Variants in ABCA4 observed in about 807,000 individuals in gnomAD.
ABCA4 encodes retinal-specific phospholipid-transporting ATPase ABCA4.
Under a neutral mutation model 263.7 loss-of-function variants are expected in ABCA4, and 196 were observed. The observed-to-expected ratio is 0.74, with a 90% CI of 0.66 to 0.84. The LOEUF (loss-of-function observed/expected upper bound fraction) is 0.84. Among genes scored for constraint, ABCA4 ranks in the 40% least tolerant of loss-of-function variants. ABCA4 has a pLI of 0.00. For synonymous variants in ABCA4, 1,133 were observed against 1,094.2 expected, an observed-to-expected ratio of 1.04 and a Z score of -0.70; for missense variants, 2,792 against 2,855.1, an observed-to-expected ratio of 0.98 and a Z score of 0.50.
chr1:94,001,715 T>C (rs147103408), intron 45 of ABCA4, 143 bp downstream of exon 45: 2 of 1,265,152 alleles, frequency 1.6e-6, no homozygotes, highest in Admixed American at 1.9e-5. Flanking sequence ...GGCTGATCGC[T>C]CAAAATGAGC....
intron 3 of ABCA4, among the ~76,000 whole-genome samples, chr1:94,110,022 G>A (rs1217898365): frequency 6.6e-6 from 1 of 152,044 alleles, no homozygotes; most frequent in Non-Finnish European, 1.5e-5. Context: ...AAAGCTCCAT[G>A]CAGCCTCCAC....
intron 16 of ABCA4, among the ~76,000 whole-genome samples, chr1:94,054,111 T>C (rs1338602388): frequency 6.6e-6 from 1 of 152,206 alleles, no homozygotes; most frequent in African/African-American, 2.4e-5. Context: ...GAAGGAAAAT[T>C]TGATTTTCTA....
chr1:94,044,863 C>A, intron 19 of ABCA4, 119 bp from the exon 20 acceptor site: 1 of 1,512,296 alleles, frequency 6.6e-7, no homozygotes, highest in Non-Finnish European at 9.1e-7. Flanking sequence ...GGCTGTCAGT[C>A]AAACTCAAAC....
chr1:94,072,693 T>G (rs972160485), intron 11 of ABCA4, among the ~76,000 whole-genome samples: 3 of 152,206 alleles, frequency 2.0e-5, no homozygotes, highest in African/African-American at 7.2e-5. Context: ...TCCTGTGTCC[T>G]TAGATTTGGA....
At chr1:94,042,055 C>A (rs565664092) in intron 22 of ABCA4, among the ~76,000 whole-genome samples, 4 of 138,018 alleles carry the variant, frequency 2.9e-5, no homozygotes, top group Admixed American at 2.4e-4. Context: ...GTGGAGATTG[C>A]GCCACTGCAC....
At chr1:94,017,457 A>G (rs775393747) in intron 36 of ABCA4, among the ~76,000 whole-genome samples, 25 of 152,256 alleles carry the variant, frequency 1.6e-4, no homozygotes, top group Non-Finnish European at 2.9e-4. Flanking sequence ...AAGTGTCAAG[A>G]CCATGAGTGT....
rs139755442 is a variant in ABCA4, at chr1:94,015,332, C to A, written c.5312+407G>T. On this transcript the variant is annotated intron_variant, in intron 37 of 49. Coordinates refer to ENST00000370225, the MANE Select transcript of ABCA4 (RefSeq NM_000350.3). ...CCTGACTCAGGAGGAGCTTTTTGGC[C>A]GGAGTCTTCTACTGTGGGCGGTAAC... is the stretch of plus-strand genomic sequence containing the variant. Among the ~76,000 whole-genome samples the A allele has an allele frequency of 4.1e-3, 629 of 152,248 alleles. 7 individuals are homozygous for A. The highest frequency in any genetic ancestry group is 0.014 in the African/African-American group (600 of 41,548).
At position 94,116,475 on chromosome 1, in the gene ABCA4, A is replaced by C. The variant is rs369235345; in HGVS notation, c.67-3409T>G. 6.8e-4 allele frequency among the ~76,000 whole-genome samples: 104 copies of C among 152,196 alleles called. 4 individuals carry two copies. In the South Asian group the frequency reaches 0.02, roughly 29 times the overall value. Reference sequence around the variant, plus strand: ...AGCCAAGGTTGAGAACCGCTGCTCTAGGTAATGGTTGGTTGGTAATCTTTG... The same window carrying C: ...AGCCAAGGTTGAGAACCGCTGCTCTCGGTAATGGTTGGTTGGTAATCTTTG... On this transcript the variant is annotated intron_variant, in intron 1 of 49. Transcript: ENST00000370225.
At chr1:94,103,251 G>T in intron 4 of ABCA4, 109 bp from the exon 5 acceptor site, 2 of 1,435,726 alleles carry the variant, frequency 1.4e-6, no homozygotes, top group South Asian at 1.1e-5. Context: ...TCAGAGGAAG[G>T]TTCTGTTCTT....
In ABCA4 at chr1:94,022,034, A is replaced by C. The variant is rs1659917245; in HGVS notation, c.4668-83T>G. The stretch of plus-strand genomic sequence containing the variant: ...GCTCTCTCGGGTTTTGTAGGGAAAC[A>C]TGAACTTTCGGGGGAATTGCCTGGA... On this transcript the variant is annotated intron_variant, in intron 32 of 49. Coordinates refer to ENST00000370225, the MANE Select transcript of ABCA4 (RefSeq NM_000350.3). The C allele has an allele frequency of 3.3e-6, 4 of 1,200,248 alleles. No individual in the cohort carries two copies. In the South Asian group the frequency reaches 5.0e-5, roughly 15 times the overall value. The allele number at this position is 1,200,248 out of a possible 1,614,324, so 74.3% of individuals were successfully genotyped here. A position where few individuals can be genotyped will look rare whatever the true frequency, so the allele number is the denominator to read the frequency against.
chr1:94,104,794 G>T (rs1178923427), intron 4 of ABCA4, among the ~76,000 whole-genome samples: 1 of 152,182 alleles, frequency 6.6e-6, no homozygotes, highest in African/African-American at 2.4e-5. Context: ...TTATATTCTA[G>T]TCTTCCCTCT....
intron 36 of ABCA4, 194 bp downstream of exon 36, chr1:94,019,388 C>T (rs1403438068): frequency 3.1e-6 from 2 of 639,220 alleles, no homozygotes; most frequent in South Asian, 2.0e-5. Context: ...CCTTTCCTAG[C>T]TTCGGGCTCC....
At chr1:94,064,590 T>C (rs1467621904) in intron 11 of ABCA4, among the ~76,000 whole-genome samples, 3 of 152,174 alleles carry the variant, frequency 2.0e-5, no homozygotes, top group Non-Finnish European at 4.4e-5. Flanking sequence ...AAAAGATACC[T>C]ATGCCAGGCC....
In ABCA4 at chr1:94,043,320, A is replaced by C; in HGVS notation, c.3190+16T>G. ...ATTTGCCATCTGTGGCCCTGTCTCC[A>C]TCCAGCTCTGAGCACCTGATAGGTC... On this transcript the variant is annotated intron_variant, in intron 21 of 49. Transcript: ENST00000370225. The C allele has an allele frequency of 2.5e-6, 4 of 1,613,930 alleles. No homozygotes were observed. Among genetic ancestry groups the C allele is most frequent in the Non-Finnish European group, 3.4e-6 (4 of 1,179,928 alleles).
Position 94,079,444 on chromosome 1 carries a change from A to C in ABCA4, c.1117T>G (p.Leu373Val). The change falls in exon 9 of 50, where the codon TTG (leucine) becomes GTG (valine). Residue 373 changes from leucine to valine, a missense_variant. Coordinates refer to ENST00000370225, the MANE Select transcript of ABCA4 (RefSeq NM_000350.3). ...DRRTTSFCNA[L>V]IQSLESNPLT... ...GGATTTGACTCCAGGCTCTGGATCA[A>C]TGCATTACAAAAGGATGCTGCCAGG... The C allele has an allele frequency of 6.2e-7, 1 of 1,614,234 alleles. No homozygotes were observed. The highest frequency in any genetic ancestry group is 8.5e-7 in the Non-Finnish European group (1 of 1,180,046).
intron 1 of ABCA4, among the ~76,000 whole-genome samples, chr1:94,116,411 GTTC>G (rs1340246838): frequency 1.3e-5 from 2 of 152,118 alleles, no homozygotes; most frequent in African/African-American, 2.4e-5. Context: ...GGACATCAGG[GTTC>G]TTCTTTTTAA....
intron 24 of ABCA4, among the ~76,000 whole-genome samples, chr1:94,038,980 A>G (rs72725161): frequency 1.9e-3 from 295 of 152,362 alleles, no homozygotes; most frequent in Middle Eastern, 3.4e-3. Flanking sequence ...GTAATTTAAA[A>G]AAAAGAATCA....
At chr1:94,011,052 C>T (rs373676492) in intron 39 of ABCA4, 123 bp from the exon 40 acceptor site, 33 of 1,569,396 alleles carry the variant, frequency 2.1e-5, no homozygotes, top group South Asian at 1.8e-4. Flanking sequence ...AAACACCCGC[C>T]TCATAAGGGC....
At chr1:94,015,214 T>C (rs4147849) in intron 37 of ABCA4, among the ~76,000 whole-genome samples, 12,101 of 152,296 alleles carry the variant, frequency 0.079, 849 homozygotes, top group African/African-American at 0.19. Flanking sequence ...CCGAGATGGA[T>C]GAATTACTCA....
Sources: allele counts gnomAD v4.1 joint callset (sites outside exome capture counted in the v4.1 genomes callset), GRCh38; gene constraint gnomAD v4.1.1; transcripts MANE v1.5; gene names NCBI Gene and HGNC (gene_info 2026-07-23, HGNC 2026-07-21).